Variants in PRKG1 observed in about 807,000 individuals in gnomAD.
PRKG1 encodes the protein cGMP-dependent protein kinase 1.
PRKG1 carries 35 observed loss-of-function variants against 88.1 expected under a neutral mutation model. The observed-to-expected ratio is 0.40, with a 90% CI of 0.30 to 0.53. PRKG1 has a LOEUF of 0.53. PRKG1 is among the 20% of genes least tolerant of loss of function. PRKG1 has a pLI of 0.59. For missense variants in PRKG1, 540 were observed against 839.8 expected (o/e 0.64, Z 4.41); for synonymous variants, 303 against 292.5 (o/e 1.04, Z -0.37).
chr10:51,283,941 T>A (rs1279027323), intron 2 of PRKG1, among the ~76,000 whole-genome samples: 1 of 152,210 alleles, frequency 6.6e-6, no homozygotes, highest in East Asian at 1.9e-4. Context: ...AAGTGAATTC[T>A]TGCTTCTAAT....
At chr10:51,726,925 C>A (rs1262241557) in intron 3 of PRKG1, among the ~76,000 whole-genome samples, 1 of 151,452 alleles carries the variant, frequency 6.6e-6, no homozygotes, top group Non-Finnish European at 1.5e-5. Flanking sequence ...TACAGGCACC[C>A]GCTACCACAC....
chr10:51,415,160 T>C (rs1406778811), intron 2 of PRKG1, among the ~76,000 whole-genome samples: 5 of 152,232 alleles, frequency 3.3e-5, no homozygotes, highest in Admixed American at 6.6e-5. Context: ...CCTATGTCCT[T>C]GTCAGTATGC....
chr10:51,751,197 A>G (rs1183094820), intron 3 of PRKG1, among the ~76,000 whole-genome samples: 2 of 152,180 alleles, frequency 1.3e-5, no homozygotes, highest in African/African-American at 4.8e-5. Context: ...ATTGCCAGAA[A>G]AAAATACAGG....
intron 4 of PRKG1, among the ~76,000 whole-genome samples, chr10:51,880,080 T>A (rs1465771905): frequency 6.6e-6 from 1 of 152,196 alleles, no homozygotes; most frequent in East Asian, 1.9e-4. Context: ...ACCTTTTACA[T>A]CAGAAAGAGA....
chr10:51,206,789 T>C lies in PRKG1; in HGVS notation c.478+53459T>C, dbSNP rs116756560. On this transcript the variant is annotated intron_variant, in intron 2 of 17. Transcript: ENST00000373980. ...AGAAACTGAAACTCAACTGCAGTTA[T>C]AGCTTTTTGGCAGGACTTTACTAAT... Among the ~76,000 whole-genome samples the C allele has an allele frequency of 9.1e-3, 1,389 of 152,324 alleles. 27 individuals are homozygous for C. Among genetic ancestry groups the C allele is most frequent in the African/African-American group, 0.031 (1,308 of 41,568 alleles).
At chr10:51,391,055 C>T (rs1272413016) in intron 2 of PRKG1, among the ~76,000 whole-genome samples, 2 of 152,166 alleles carry the variant, frequency 1.3e-5, no homozygotes, top group Non-Finnish European at 2.9e-5. Flanking sequence ...GAAATTGTAG[C>T]ACTGAGAGGG....
At chr10:51,606,043 A>AT (rs1428543688) in intron 3 of PRKG1, among the ~76,000 whole-genome samples, 2 of 152,188 alleles carry the variant, frequency 1.3e-5, no homozygotes, top group Non-Finnish European at 2.9e-5. Flanking sequence ...AAAATTTATC[A>AT]TTTTTTTAAT....
At chr10:51,403,800 T>A (rs1837826743) in intron 2 of PRKG1, among the ~76,000 whole-genome samples, 1 of 152,232 alleles carries the variant, frequency 6.6e-6, no homozygotes, top group Non-Finnish European at 1.5e-5. Context: ...AATTTCTTTC[T>A]ATCCCTTGGT....
chr10:52,154,851 C>T (rs565895800), intron 8 of PRKG1, among the ~76,000 whole-genome samples: 39 of 152,216 alleles, frequency 2.6e-4, no homozygotes, highest in African/African-American at 8.7e-4. Context: ...TATGCCTTTG[C>T]ATTCTCATAG....
chr10:51,831,024 G>A (rs986788234), intron 4 of PRKG1, among the ~76,000 whole-genome samples: 4 of 150,954 alleles, frequency 2.6e-5, no homozygotes, highest in Non-Finnish European at 5.9e-5. Flanking sequence ...AACCATTATC[G>A]ACTGAGGTTT....
intron 3 of PRKG1, among the ~76,000 whole-genome samples, chr10:51,799,753 C>T (rs1426527644): frequency 6.6e-6 from 1 of 152,046 alleles, no homozygotes; most frequent in Non-Finnish European, 1.5e-5. Flanking sequence ...GCCATTGCCA[C>T]TCCCACTACC....
At chr10:51,206,698 C>T (rs1487518079) in intron 2 of PRKG1, among the ~76,000 whole-genome samples, 1 of 152,162 alleles carries the variant, frequency 6.6e-6, no homozygotes, top group Non-Finnish European at 1.5e-5. Context: ...TCATCTTTGC[C>T]TTGATCACTC....
intron 7 of PRKG1, among the ~76,000 whole-genome samples, chr10:52,087,233 G>A (rs1228853761): frequency 1.3e-5 from 2 of 152,250 alleles, no homozygotes; most frequent in South Asian, 2.1e-4. Context: ...TTGCCAATTC[G>A]ATGGATAAGA....
At chr10:51,708,049 C>G (rs16921768) in intron 3 of PRKG1, among the ~76,000 whole-genome samples, 24,401 of 152,098 alleles carry the variant, frequency 0.16, 2,219 homozygotes, top group East Asian at 0.26. Flanking sequence ...CTCTCAGAAC[C>G]CACAGAAATT....
chr10:51,502,258 T>A (rs1329007121), intron 3 of PRKG1, among the ~76,000 whole-genome samples: 1 of 151,604 alleles, frequency 6.6e-6, no homozygotes, highest in East Asian at 1.9e-4. Flanking sequence ...GCCAGGGAGG[T>A]GTAGAAAAGT....
chr10:51,144,234 AT>A (rs1424530041), intron 1 of PRKG1, among the ~76,000 whole-genome samples: 1 of 152,070 alleles, frequency 6.6e-6, no homozygotes, highest in Non-Finnish European at 1.5e-5. Context: ...TGAGTGGAAC[AT>A]TTGCTTTTGG....
chr10:51,464,400 G>A (rs61849775), intron 2 of PRKG1, among the ~76,000 whole-genome samples: 14,827 of 152,166 alleles, frequency 0.097, 848 homozygotes, highest in Middle Eastern at 0.17. Flanking sequence ...GCCTGGAAAA[G>A]ATGTTTTATG....
At chr10:51,022,252 T>TG (rs1179362070) in intron 1 of PRKG1, among the ~76,000 whole-genome samples, 2 of 152,116 alleles carry the variant, frequency 1.3e-5, no homozygotes, top group African/African-American at 2.4e-5. Flanking sequence ...CTCAATTGCA[T>TG]GGGGGCCTCA....
At chr10:51,627,876 C>CT in intron 3 of PRKG1, among the ~76,000 whole-genome samples, 3 of 139,128 alleles carry the variant, frequency 2.2e-5, no homozygotes, top group Admixed American at 7.2e-5. Context: ...CCTTCCTTCC[C>CT]TTCCCTTCCC....
Sources: gnomAD v4.1 joint callset for allele counts (sites outside exome capture counted in the v4.1 genomes callset) on GRCh38, gnomAD v4.1.1 for gene constraint, MANE v1.5 for transcripts, NCBI Gene and HGNC (gene_info 2026-07-23, HGNC 2026-07-21) for gene names.